PJA2: variants seen among roughly 807,000 people sequenced by gnomAD.
PJA2 encodes praja ring finger ubiquitin ligase 2.
In PJA2, 25 loss-of-function variants were observed where a neutral mutation model predicts 69.3. The ratio of observed to expected loss-of-function variants is 0.36; its 90% CI spans 0.26 to 0.50. The LOEUF (loss-of-function observed/expected upper bound fraction) is 0.50. Ranked by LOEUF, PJA2 falls within the 20% of genes least tolerant of loss-of-function variation. PJA2 has a pLI of 0.96. For synonymous variants in PJA2, 308 were observed against 277.8 expected (o/e 1.11, Z -1.08); for missense variants, 809 against 830.2 (o/e 0.97, Z 0.31).
At chr5:109,393,652 A>T (rs560126064) in intron 1 of PJA2, among the ~76,000 whole-genome samples, 69 of 151,212 alleles carry the variant, frequency 4.6e-4, no homozygotes, top group Middle Eastern at 3.4e-3. Context: ...TAAAGAAATT[A>T]AAAAAAATGT....
At chr5:109,339,138 G>T (rs763400463) in intron 9 of PJA2, among the ~76,000 whole-genome samples, 2 of 152,164 alleles carry the variant, frequency 1.3e-5, no homozygotes, top group Non-Finnish European at 2.9e-5. Flanking sequence ...ATCACAGAAG[G>T]CCTTGAATGT....
chr5:109,375,456 C>T (rs1205818084), intron 4 of PJA2, among the ~76,000 whole-genome samples: 2 of 151,684 alleles, frequency 1.3e-5, no homozygotes, highest in Non-Finnish European at 2.9e-5. Context: ...TGCAGCGAGC[C>T]GAGATCACGC....
chr5:109,364,012 G>C (rs923167223), intron 5 of PJA2, among the ~76,000 whole-genome samples: 1 of 152,064 alleles, frequency 6.6e-6, no homozygotes, highest in Non-Finnish European at 1.5e-5. Flanking sequence ...AATTAGCTGG[G>C]TGCATGCCTA....
At chr5:109,409,557 C>G (rs940488534) in intron 1 of PJA2, among the ~76,000 whole-genome samples, 1 of 152,066 alleles carries the variant, frequency 6.6e-6, no homozygotes, top group Non-Finnish European at 1.5e-5. Context: ...GCGAAGACCC[C>G]GATACCAACC....
At chr5:109,402,653 C>T (rs948756850) in intron 1 of PJA2, among the ~76,000 whole-genome samples, 3 of 152,096 alleles carry the variant, frequency 2.0e-5, no homozygotes, top group Admixed American at 6.5e-5. Flanking sequence ...GCCTAACAAG[C>T]ATCATCAATC....
chr5:109,354,876 A>G (rs567514864), intron 7 of PJA2, among the ~76,000 whole-genome samples: 2 of 151,898 alleles, frequency 1.3e-5, no homozygotes, highest in African/African-American at 4.8e-5. Flanking sequence ...GTGCCATGGG[A>G]GGCCAGAGTG....
At position 109,354,443 on chromosome 5, in the gene PJA2, ATAGAT is replaced by A. The variant is rs1479476398; in HGVS notation, c.1764+1467_1764+1471del. 5.8e-5 allele frequency among the ~76,000 whole-genome samples: 8 copies of A among 138,268 alleles called. 2 individuals carry two copies. The highest frequency in any genetic ancestry group is 3.6e-4 in the Admixed American group (5 of 13,852). The allele number at this position is 138,268 out of a possible 152,430, so 90.7% of individuals were successfully genotyped here. A position where few individuals can be genotyped will look rare whatever the true frequency, so the allele number is the denominator to read the frequency against. On this transcript the variant is annotated intron_variant, in intron 7 of 9. Coordinates refer to ENST00000361189, the MANE Select transcript of PJA2 (RefSeq NM_014819.5). Reference sequence around the variant, plus strand: ...ATATCTATGATATCTAGAGATGTCTATAGATTAGATATCTATGATATCTAGAGATA... The same window carrying A: ...ATATCTATGATATCTAGAGATGTCTATAGATATCTATGATATCTAGAGATA...
At position 109,377,465 on chromosome 5, in the gene PJA2, G is replaced by GA. The variant is rs139994256; in HGVS notation, c.1283+738dup. ...TCTTTTTCTGTTGTCTTATGGTTTGGAAAAAAAAGATACGGGTTTGTAAGA... is the reference window on the plus strand; with the variant it reads ...TCTTTTTCTGTTGTCTTATGGTTTGGAAAAAAAAAGATACGGGTTTGTAAGA... On this transcript the variant is annotated intron_variant, in intron 4 of 9. Transcript: ENST00000361189. 7.6e-3 allele frequency among the ~76,000 whole-genome samples: 1,160 copies of GA among 151,894 alleles called. 13 individuals are homozygous for GA. Among genetic ancestry groups the GA allele is most frequent in the African/African-American group, 0.026 (1,083 of 41,430 alleles).
chr5:109,357,194 G>A (rs940171745), intron 6 of PJA2, among the ~76,000 whole-genome samples: 2 of 152,048 alleles, frequency 1.3e-5, no homozygotes, highest in Non-Finnish European at 2.9e-5. Context: ...CACCTCTTAA[G>A]TCCAAGAGAT....
At chr5:109,406,661 GTCTAGGT>G (rs1747699458) in intron 1 of PJA2, among the ~76,000 whole-genome samples, 1 of 152,122 alleles carries the variant, frequency 6.6e-6, no homozygotes, top group African/African-American at 2.4e-5. Flanking sequence ...CAAGTTCCAT[GTCTAGGT>G]ATTTACCAAG....
At chr5:109,373,148 G>C (rs1259651761) in intron 4 of PJA2, among the ~76,000 whole-genome samples, 2 of 152,010 alleles carry the variant, frequency 1.3e-5, no homozygotes, top group African/African-American at 4.8e-5. Context: ...AGTAAGAAGA[G>C]TGGATAGTGA....
At chr5:109,407,454 T>G (rs1010251042) in intron 1 of PJA2, among the ~76,000 whole-genome samples, 1 of 152,198 alleles carries the variant, frequency 6.6e-6, no homozygotes, top group Non-Finnish European at 1.5e-5. Flanking sequence ...TAATTAATGC[T>G]AAAACATTAG....
chr5:109,362,119 A>G (rs1286874195), intron 6 of PJA2, among the ~76,000 whole-genome samples: 1 of 152,244 alleles, frequency 6.6e-6, no homozygotes, highest in Non-Finnish European at 1.5e-5. Flanking sequence ...ACAAGTGTAA[A>G]TACACCAAGA....
intron 1 of PJA2, among the ~76,000 whole-genome samples, chr5:109,396,953 T>C (rs1350516562): frequency 6.6e-6 from 1 of 152,208 alleles, no homozygotes; most frequent in Non-Finnish European, 1.5e-5. Flanking sequence ...GGTTTGAATG[T>C]TTGTGCCATC....
At chr5:109,342,953 C>G (rs1189509438) in intron 9 of PJA2, among the ~76,000 whole-genome samples, 2 of 80,920 alleles carry the variant, frequency 2.5e-5, no homozygotes, top group East Asian at 4.8e-4. Flanking sequence ...CCGGCCACCC[C>G]TACTGGGAGG....
At chr5:109,408,308 A>G (rs1483668851) in intron 1 of PJA2, among the ~76,000 whole-genome samples, 1 of 152,208 alleles carries the variant, frequency 6.6e-6, no homozygotes, top group Non-Finnish European at 1.5e-5. Flanking sequence ...TTAGAAAGTT[A>G]TTTTCATTAT....
At chr5:109,397,722 C>T (rs1426310740) in intron 1 of PJA2, among the ~76,000 whole-genome samples, 2 of 151,886 alleles carry the variant, frequency 1.3e-5, no homozygotes, top group African/African-American at 4.8e-5. Flanking sequence ...CAGGGTTTCA[C>T]TATGTTGGCC....
chr5:109,359,513 T>C (rs1454358591), intron 6 of PJA2, among the ~76,000 whole-genome samples: 3 of 152,254 alleles, frequency 2.0e-5, no homozygotes, highest in Admixed American at 6.5e-5. Context: ...TTTTCTGATA[T>C]GTACTGCAAA....
rs1395689356 is a variant in PJA2, at chr5:109,354,294, A to ATGTC, written c.1764+1620_1764+1621insGACA. ...GATATCTATAGATTAGATATCTATG[A>ATGTC]TATCTAGAGATATCTATAGATTAGA... On this transcript the variant is annotated intron_variant, in intron 7 of 9. Transcript: ENST00000361189. Among the ~76,000 whole-genome samples the ATGTC allele has an allele frequency of 1.4e-3, 158 of 117,036 alleles. 6 individuals are homozygous for ATGTC. The highest frequency in any genetic ancestry group is 1.9e-3 in the African/African-American group (70 of 36,818). 76.8% of individuals were successfully genotyped at this position (117,036 alleles called of 152,430 possible). A position where few individuals can be genotyped will look rare whatever the true frequency, so the allele number is the denominator to read the frequency against.
Sources: allele counts gnomAD v4.1 joint callset (sites outside exome capture counted in the v4.1 genomes callset), GRCh38; gene constraint gnomAD v4.1.1; transcripts MANE v1.5; gene names NCBI Gene and HGNC (gene_info 2026-07-23, HGNC 2026-07-21).